USP34: variants seen among roughly 807,000 people sequenced by gnomAD.
USP34 encodes ubiquitin specific peptidase 34.
USP34 carries 70 observed loss-of-function variants against 460.3 expected under a neutral mutation model. That is an observed-to-expected ratio of 0.15 (90% CI 0.13 to 0.19). The LOEUF (loss-of-function observed/expected upper bound fraction) is 0.19, where lower values mean the gene tolerates loss of function less well. USP34 is among the 10% of genes least tolerant of loss of function. The probability of loss-of-function intolerance (pLI) is 1.00; values close to 1 mark genes in which losing one functional copy is unlikely to be tolerated. For synonymous variants in USP34, 1,647 were observed against 1,405.3 expected, an observed-to-expected ratio of 1.17 and a Z score of -3.85; for missense variants, 3,985 against 4,236.2, an observed-to-expected ratio of 0.94 and a Z score of 1.65.
intron 1 of USP34, among the ~76,000 whole-genome samples, chr2:61,447,801 C>T (rs1465696722): frequency 2.0e-5 from 3 of 152,084 alleles, no homozygotes; most frequent in Non-Finnish European, 4.4e-5. Flanking sequence ...CTGCAACCTC[C>T]GCCTACTGGG....
At chr2:61,382,258 A>G (rs1222587251) in intron 6 of USP34, among the ~76,000 whole-genome samples, 1 of 152,202 alleles carries the variant, frequency 6.6e-6, no homozygotes, top group African/African-American at 2.4e-5. Flanking sequence ...TGAAAAAATT[A>G]AATCCATACT....
Position 61,405,881 on chromosome 2 carries a change from T to C in USP34, c.379A>G (p.Asn127Asp), listed in dbSNP as rs768591016. The C allele has an allele frequency of 8.1e-6, 13 of 1,613,678 alleles. No individual in the cohort carries two copies. The highest frequency in any genetic ancestry group is 5.0e-5 in the Admixed American group (3 of 59,930). ...GTCAGATTACAAATTCTTGTAGAGT[T>C]TGATTTTTTTTCTATTGATTTTTGT... ...ERQKSIEKKS[N>D]STRICNLTEE... Residue 127 changes from asparagine to aspartate, a missense_variant, in exon 3 of 80, where the codon AAC becomes GAC. Physicochemically the swap from Asn to Asp is conservative, Grantham distance 23 (BLOSUM62 1). This residue lies in a region of USP34 where 331 missense variants were observed against 293.7 expected (regional missense o/e 1.13). Transcript: ENST00000398571.
Position 61,204,552 on chromosome 2 carries a change from A to C in USP34, c.9204T>G (p.Thr3068=), listed in dbSNP as rs768061340. ...VLLSPHDFLH[T]LVPFLQHNHC... is the part of the protein sequence containing the mutation. ...GGTTGTGTTGTAGAAAGGGAACCAG[A>C]GTATGAAGAAAATCATGGGGACTCA... Residue 3068 remains threonine (T), a synonymous_variant, in exon 73 of 80, where the codon ACT becomes ACG. Coordinates refer to ENST00000398571, the MANE Select transcript of USP34 (RefSeq NM_014709.4). The C allele has an allele frequency of 7.4e-6, 12 of 1,614,168 alleles. No individual in the cohort carries two copies. In the South Asian group the frequency reaches 1.2e-4, roughly 16 times the overall value.
At chr2:61,363,240 AC>A (rs1256782710) in intron 10 of USP34, among the ~76,000 whole-genome samples, 1 of 152,164 alleles carries the variant, frequency 6.6e-6, no homozygotes, top group African/African-American at 2.4e-5. Context: ...AGAAACCAGA[AC>A]CCTCTGGTAT....
At chr2:61,411,144 G>T (rs549094042) in intron 2 of USP34, among the ~76,000 whole-genome samples, 5 of 152,184 alleles carry the variant, frequency 3.3e-5, no homozygotes, top group African/African-American at 4.8e-5. Flanking sequence ...CAGCACTTTG[G>T]GGGGCAGAGG....
chr2:61,256,557 T>C lies in USP34; in HGVS notation c.6127-79A>G, dbSNP rs568493897. ...TATACAAAAGGTGGCAATTACAATT[T>C]TGACAGAATGCTCAGCAAAAAAATT... On this transcript the variant is annotated intron_variant, in intron 47 of 79. Coordinates refer to ENST00000398571, the MANE Select transcript of USP34 (RefSeq NM_014709.4). 10 of 1,178,180 alleles carry C rather than the reference T, an allele frequency of 8.5e-6. No individual in the cohort carries two copies. In the East Asian group the frequency reaches 2.5e-4, roughly 29 times the overall value. The allele number at this position is 1,178,180 out of a possible 1,614,324, so 73.0% of individuals were successfully genotyped here.
intron 5 of USP34, among the ~76,000 whole-genome samples, chr2:61,393,156 C>T (rs1693405846): frequency 6.6e-6 from 1 of 152,134 alleles, no homozygotes; most frequent in Non-Finnish European, 1.5e-5. Flanking sequence ...TCAGATCACG[C>T]AAAGTGGCTC....
At chr2:61,239,711 G>A (rs1478064322) in intron 53 of USP34, among the ~76,000 whole-genome samples, 1 of 152,108 alleles carries the variant, frequency 6.6e-6, no homozygotes, top group Admixed American at 6.6e-5. Flanking sequence ...TAACACATGT[G>A]CAGGCAAGAT....
Position 61,278,432 on chromosome 2 carries a change from G to A in USP34, c.5268C>T (p.Leu1756=), listed in dbSNP as rs374528723. The A allele has an allele frequency of 3.5e-5, 56 of 1,585,146 alleles. No homozygotes were observed. The African/African-American group carries it at 4.6e-4, about 13-fold the overall frequency. The change falls in exon 40 of 80, where the codon CTC becomes CTT. Residue 1756 remains leucine, a synonymous_variant. Coordinates refer to ENST00000398571, the MANE Select transcript of USP34 (RefSeq NM_014709.4). ...HIKDASQTTL[L]DLDALARHLA... is the part of the protein sequence containing the mutation. ...AATGTCTTGCCAAGGCATCTAAGTCGAGGAGCGTTGTCTTAATACAAAAAG... is the reference window on the plus strand; with the variant it reads ...AATGTCTTGCCAAGGCATCTAAGTCAAGGAGCGTTGTCTTAATACAAAAAG...
intron 39 of USP34, among the ~76,000 whole-genome samples, chr2:61,279,509 G>A (rs1384024827): frequency 2.0e-5 from 3 of 152,086 alleles, no homozygotes; most frequent in Non-Finnish European, 4.4e-5. Flanking sequence ...CTGTCGCCAG[G>A]CTAGAGTGCA....
intron 27 of USP34, among the ~76,000 whole-genome samples, chr2:61,303,017 C>T (rs563649733): frequency 1.4e-4 from 22 of 152,048 alleles, no homozygotes; most frequent in Non-Finnish European, 2.9e-4. Flanking sequence ...CTCAGATGTT[C>T]GCTTATCTCC....
intron 67 of USP34, 54 bp downstream of exon 67, chr2:61,220,256 C>T: frequency 1.5e-6 from 2 of 1,329,978 alleles, no homozygotes; most frequent in East Asian, 3.7e-5. Context: ...CAAAATGAAA[C>T]ATAACTTTGA....
chr2:61,289,585 A>G (rs972227704), intron 33 of USP34, among the ~76,000 whole-genome samples: 6 of 152,082 alleles, frequency 3.9e-5, no homozygotes, highest in Admixed American at 3.9e-4. Context: ...TTCCACTGCC[A>G]AATATATTCC....
intron 5 of USP34, among the ~76,000 whole-genome samples, chr2:61,387,092 A>G (rs1693170322): frequency 6.6e-6 from 1 of 152,184 alleles, no homozygotes; most frequent in Admixed American, 6.5e-5. Context: ...CGAGAGATTT[A>G]AACAGGTACT....
chr2:61,427,249 C>T (rs528123080), intron 1 of USP34, among the ~76,000 whole-genome samples: 12 of 152,274 alleles, frequency 7.9e-5, no homozygotes, highest in African/African-American at 2.9e-4. Flanking sequence ...AGGATAGTCT[C>T]GATCTCCTGA....
At chr2:61,235,488 G>C (rs1382636857) in intron 57 of USP34, among the ~76,000 whole-genome samples, 1 of 151,986 alleles carries the variant, frequency 6.6e-6, no homozygotes, top group East Asian at 1.9e-4. Flanking sequence ...ACCACACCCA[G>C]CTAATTTTTG....
At chr2:61,315,411 T>C (rs538818983) in intron 23 of USP34, among the ~76,000 whole-genome samples, 2 of 152,140 alleles carry the variant, frequency 1.3e-5, no homozygotes, top group African/African-American at 2.4e-5. Context: ...CTCACTCACT[T>C]GCCCAGGCTG....
At chr2:61,406,630 A>AACAC (rs552618249) in intron 2 of USP34, among the ~76,000 whole-genome samples, 1 of 151,616 alleles carries the variant, frequency 6.6e-6, no homozygotes, top group Admixed American at 6.6e-5. Context: ...GTTTAGGAAC[A>AACAC]ACACACACAC....
chr2:61,404,724 A>T (rs2103931632), intron 3 of USP34, among the ~76,000 whole-genome samples: 1 of 152,296 alleles, frequency 6.6e-6, no homozygotes, highest in Non-Finnish European at 1.5e-5. Flanking sequence ...AGCCTACACA[A>T]AACTAGCTAA....
Sources: allele counts gnomAD v4.1 joint callset (sites outside exome capture counted in the v4.1 genomes callset), GRCh38; gene constraint gnomAD v4.1.1; regional missense constraint gnomAD v4.1.1; transcripts MANE v1.5; gene names NCBI Gene and HGNC (gene_info 2026-07-23, HGNC 2026-07-21).